The following ACVR1 variants were observed in gnomAD, a reference collection of about 807,000 sequenced individuals.
ACVR1 encodes activin A receptor type 1.
In ACVR1, 38 loss-of-function variants were observed where a neutral mutation model predicts 57.1. The observed-to-expected ratio is 0.67, with a 90% CI of 0.51 to 0.87. The LOEUF is 0.87. ACVR1 is among the 40% of genes least tolerant of loss of function. ACVR1 has a pLI of 0.00. For missense variants in ACVR1, 463 were observed against 638.2 expected (o/e 0.73, Z 2.96); for synonymous variants, 212 against 228.1 (o/e 0.93, Z 0.63).
At chr2:157,850,282 C>T (rs543770379) in intron 1 of ACVR1, among the ~76,000 whole-genome samples, 7 of 151,162 alleles carry the variant, frequency 4.6e-5, no homozygotes, top group South Asian at 2.1e-4. Flanking sequence ...CCAAACTACT[C>T]GGGAGGCTGA....
chr2:157,839,292 G>C (rs1460375805), intron 1 of ACVR1, among the ~76,000 whole-genome samples: 1 of 152,180 alleles, frequency 6.6e-6, no homozygotes, highest in East Asian at 1.9e-4. Context: ...TGCAGGGCCA[G>C]CTGTTTCTGA....
rs2105395619 is a variant in ACVR1, at chr2:157,875,898, G to GGCGGT, written c.-290_-286dup. 1 of 147,556 alleles carries GGCGGT rather than the reference G, an allele frequency of 6.8e-6. No homozygotes were observed. 9.1% of individuals were successfully genotyped at this position (147,556 alleles called of 1,614,324 possible). Reference sequence around the variant, plus strand: ...CGCGGGGCGGCGCGGGGCGGGGCGGGGCGGTGCAGCCGGCGAGGGAGCCCG... The same window carrying GGCGGT: ...CGCGGGGCGGCGCGGGGCGGGGCGGGGCGGTGCGGTGCAGCCGGCGAGGGAGCCCG... On this transcript the variant is annotated 5_prime_UTR_variant, in exon 1 of 11. Transcript: ENST00000434821.
At chr2:157,822,160 T>C (rs948602154) in intron 1 of ACVR1, among the ~76,000 whole-genome samples, 1 of 152,228 alleles carries the variant, frequency 6.6e-6, no homozygotes, top group African/African-American at 2.4e-5. Context: ...GGAATTGCCA[T>C]TAACCAGAAC....
chr2:157,833,862 T>A (rs1235141809), intron 1 of ACVR1, among the ~76,000 whole-genome samples: 3 of 152,212 alleles, frequency 2.0e-5, no homozygotes, highest in East Asian at 3.9e-4. Context: ...ACAGCTTTTT[T>A]AAAAATCCAT....
At chr2:157,818,892 A>C (rs1440582498) in intron 1 of ACVR1, among the ~76,000 whole-genome samples, 4 of 151,426 alleles carry the variant, frequency 2.6e-5, no homozygotes, top group South Asian at 2.1e-4. Flanking sequence ...TCCCGGCTAA[A>C]ACGGTGAAAC....
chr2:157,821,049 C>T (rs1469025309), intron 1 of ACVR1, among the ~76,000 whole-genome samples: 7 of 152,264 alleles, frequency 4.6e-5, no homozygotes, highest in East Asian at 1.9e-4. Context: ...TGGGAAATAA[C>T]GTGAACTGGA....
chr2:157,795,313 A>G (rs535173890), intron 3 of ACVR1, among the ~76,000 whole-genome samples: 50 of 151,970 alleles, frequency 3.3e-4, no homozygotes, highest in African/African-American at 1.1e-3. Flanking sequence ...TATTATAAAT[A>G]GGGTTTCTCT....
chr2:157,802,671 T>G (rs1193929960), intron 2 of ACVR1, among the ~76,000 whole-genome samples: 1 of 152,168 alleles, frequency 6.6e-6, no homozygotes, highest in African/African-American at 2.4e-5. Context: ...GGCTACCACC[T>G]TCTAGAAGCC....
chr2:157,739,141 T>C (rs954886032), intron 9 of ACVR1, among the ~76,000 whole-genome samples: 1 of 152,252 alleles, frequency 6.6e-6, no homozygotes, highest in South Asian at 2.1e-4. Context: ...TAGGAAATAC[T>C]CATTTCCTCA....
At chr2:157,840,121 T>C (rs113136555) in intron 1 of ACVR1, among the ~76,000 whole-genome samples, 1,555 of 152,318 alleles carry the variant, frequency 0.01, 8 homozygotes, top group Non-Finnish European at 0.016. Flanking sequence ...ATGTAGGATA[T>C]GCCATAGCCA....
intron 1 of ACVR1, among the ~76,000 whole-genome samples, chr2:157,820,813 C>T (rs752034110): frequency 5.9e-5 from 9 of 152,102 alleles, no homozygotes; most frequent in East Asian, 1.9e-4. Context: ...CTGGGTTTCT[C>T]GAAACCAATT....
chr2:157,842,149 G>C (rs921958918), intron 1 of ACVR1, among the ~76,000 whole-genome samples: 1 of 151,884 alleles, frequency 6.6e-6, no homozygotes, highest in Non-Finnish European at 1.5e-5. Context: ...AAAAGAAAAA[G>C]TAGAACCCCC....
At chr2:157,864,008 C>T (rs1452411774) in intron 1 of ACVR1, among the ~76,000 whole-genome samples, 2 of 150,174 alleles carry the variant, frequency 1.3e-5, no homozygotes, top group East Asian at 4.1e-4. Context: ...TAGATGCATG[C>T]CACCATGCCC....
At position 157,773,908 on chromosome 2, in the gene ACVR1, T is replaced by A. The variant is rs140634394; in HGVS notation, c.643+180A>T. 4.8e-3 allele frequency among the ~76,000 whole-genome samples: 725 copies of A among 152,336 alleles called. 5 individuals are homozygous for A. The highest frequency in any genetic ancestry group is 7.7e-3 in the Non-Finnish European group (522 of 68,036). ...ACTCATTAGTGATGGACTCCTTTGA[T>A]AAGAGCTTAAACAAGTTCAGGTGCT... On this transcript the variant is annotated intron_variant, in intron 6 of 10. Coordinates refer to ENST00000434821, the MANE Select transcript of ACVR1 (RefSeq NM_001111067.4).
intron 3 of ACVR1, among the ~76,000 whole-genome samples, chr2:157,784,990 C>A (rs1369621974): frequency 2.0e-5 from 3 of 152,344 alleles, no homozygotes; most frequent in Admixed American, 2.0e-4. Flanking sequence ...TACCTATTCA[C>A]GCCTGCCCAG....
intron 2 of ACVR1, among the ~76,000 whole-genome samples, chr2:157,816,460 G>A (rs143915711): frequency 4.6e-5 from 7 of 151,720 alleles, no homozygotes; most frequent in Non-Finnish European, 1.0e-4. Flanking sequence ...AGCCAGGCGT[G>A]GTTGTGTACA....
At chr2:157,872,262 T>C (rs1304425089) in intron 1 of ACVR1, among the ~76,000 whole-genome samples, 1 of 152,224 alleles carries the variant, frequency 6.6e-6, no homozygotes, top group Non-Finnish European at 1.5e-5. Flanking sequence ...GATGGCTTTA[T>C]TTCCCAGCCT....
chr2:157,788,895 C>T (rs1036463203), intron 3 of ACVR1, among the ~76,000 whole-genome samples: 2 of 152,142 alleles, frequency 1.3e-5, no homozygotes, highest in Admixed American at 6.5e-5. Flanking sequence ...CAAGGCCCTA[C>T]CAAGTCCAGA....
chr2:157,770,293 C>A (rs561427598), intron 7 of ACVR1, 75 bp downstream of exon 7: 1 of 1,560,620 alleles, frequency 6.4e-7, no homozygotes. Flanking sequence ...TCACATTCAC[C>A]AAAACGGAGA....
Sources: allele counts gnomAD v4.1 joint callset (sites outside exome capture counted in the v4.1 genomes callset), GRCh38; gene constraint gnomAD v4.1.1; transcripts MANE v1.5; gene names NCBI Gene and HGNC (gene_info 2026-07-23, HGNC 2026-07-21).